Variants in POR observed in about 807,000 individuals in gnomAD.
The protein encoded by POR is cytochrome p450 oxidoreductase.
Under a neutral mutation model 84.0 loss-of-function variants are expected in POR, and 56 were observed. The observed-to-expected ratio is 0.67, with a 90% CI of 0.54 to 0.83. The LOEUF is 0.83. POR is among the 40% of genes least tolerant of loss of function. POR has a pLI of 0.00. For synonymous variants in POR, 414 were observed against 400.5 expected (o/e 1.03, Z -0.40); for missense variants, 938 against 944.3 (o/e 0.99, Z 0.09).
In POR at chr7:75,952,602, A is replaced by T. The variant is rs548137384; in HGVS notation, c.-4-1387A>T. Among the ~76,000 whole-genome samples the T allele has an allele frequency of 3.0e-3, 441 of 146,412 alleles. 5 individuals carry two copies. The highest frequency in any genetic ancestry group is 0.011 in the African/African-American group (416 of 39,054). On this transcript the variant is annotated intron_variant, in intron 1 of 15. Transcript: ENST00000461988. ...CAGGCAGAGGGTCTCCTCACTTCTC[A>T]GACGGGGCGGCCGGGCAGAGACGCT...
intron 12 of POR, 161 bp downstream of exon 12, chr7:75,985,368 G>A (rs1204607749): frequency 1.3e-5 from 15 of 1,167,488 alleles, no homozygotes; most frequent in Middle Eastern, 2.9e-4. Flanking sequence ...GGACTCAGTC[G>A]GGCTGGCTTG....
rs370427485 is a variant in POR at position 75,981,107 on chromosome 7, C to A, written c.576C>A (p.Asp192Glu). The A allele has an allele frequency of 4.5e-6, 7 of 1,568,486 alleles. No homozygotes were observed. The highest frequency in any genetic ancestry group is 6.0e-6 in the Non-Finnish European group (7 of 1,157,680). ...TCAATGCCATGGGCAAGTACGTGGA[C>A]AAGCGGCTGGAGCAGCTCGGCGCCC... The change falls in exon 6 of 16, where the codon GAC becomes GAA. Residue 192 changes from aspartate to glutamate, a missense_variant. Asp to Glu is a conservative substitution (Grantham distance 45, BLOSUM62 2). Transcript: ENST00000461988.
intron 1 of POR, among the ~76,000 whole-genome samples, chr7:75,927,502 G>A (rs1554549671): frequency 6.6e-6 from 1 of 151,876 alleles, no homozygotes; most frequent in Admixed American, 6.6e-5. Flanking sequence ...CAAAAACCAG[G>A]TCAGGAGTGG....
chr7:75,967,981 T>C (rs1018209326), intron 2 of POR: 1 of 452,038 alleles, frequency 2.2e-6, no homozygotes, highest in African/African-American at 2.0e-5. Flanking sequence ...GAACAGGGGA[T>C]GCACAGGGCC....
intron 2 of POR, among the ~76,000 whole-genome samples, chr7:75,969,542 G>A (rs1194360982): frequency 6.6e-6 from 1 of 152,216 alleles, no homozygotes. Context: ...TTACCCGCCA[G>A]GCACTCACGG....
At chr7:75,961,570 C>G (rs1407726682) in intron 2 of POR, among the ~76,000 whole-genome samples, 1 of 152,068 alleles carries the variant, frequency 6.6e-6, no homozygotes, top group Non-Finnish European at 1.5e-5. Context: ...AGAGTGGACC[C>G]CATACGCCTC....
intron 8 of POR, among the ~76,000 whole-genome samples, chr7:75,983,048 A>C (rs1319889956): frequency 6.6e-6 from 1 of 152,158 alleles, no homozygotes; most frequent in African/African-American, 2.4e-5. Flanking sequence ...CTATAGAGAG[A>C]ACTGCATTAG....
At chr7:75,921,741 C>T (rs550282690) in intron 1 of POR, among the ~76,000 whole-genome samples, 4 of 152,162 alleles carry the variant, frequency 2.6e-5, no homozygotes, top group East Asian at 2.0e-4. Flanking sequence ...CCCCTCCTTT[C>T]TCTTCGCCCA....
At chr7:75,966,278 C>G (rs1021282759) in intron 2 of POR, among the ~76,000 whole-genome samples, 3 of 152,172 alleles carry the variant, frequency 2.0e-5, no homozygotes, top group Admixed American at 6.6e-5. Context: ...CTGCCCTCCC[C>G]ACGTGTTCAT....
intron 2 of POR, among the ~76,000 whole-genome samples, chr7:75,969,000 T>C (rs1414752059): frequency 6.6e-6 from 1 of 152,224 alleles, no homozygotes; most frequent in Non-Finnish European, 1.5e-5. Flanking sequence ...TTTCTATTCC[T>C]GAGAAGACAG....
intron 1 of POR, among the ~76,000 whole-genome samples, chr7:75,950,326 A>G (rs1787358842): frequency 6.6e-6 from 1 of 152,202 alleles, no homozygotes; most frequent in Admixed American, 6.6e-5. Context: ...GAGTTATGCA[A>G]TCAGCTTGAG....
chr7:75,966,278 C>A (rs1021282759), intron 2 of POR, among the ~76,000 whole-genome samples: 1 of 152,172 alleles, frequency 6.6e-6, no homozygotes, highest in Non-Finnish European at 1.5e-5. Context: ...CTGCCCTCCC[C>A]ACGTGTTCAT....
intron 1 of POR, chr7:75,915,762 A>G (rs1253713542): frequency 1.3e-5 from 2 of 152,204 alleles, no homozygotes; most frequent in African/African-American, 4.8e-5. Flanking sequence ...GGCCCCCACA[A>G]CACAGGTACC....
intron 2 of POR, among the ~76,000 whole-genome samples, chr7:75,970,758 A>G (rs1441845486): frequency 2.6e-5 from 4 of 151,420 alleles, no homozygotes; most frequent in Non-Finnish European, 5.9e-5. Flanking sequence ...CAAAAAAAAA[A>G]AAGAAAAAGA....
Position 75,935,916 on chromosome 7 carries a change from G to T in POR, c.-4-18073G>T, listed in dbSNP as rs138029931. 2.0e-5 allele frequency among the ~76,000 whole-genome samples: 3 copies of T among 151,410 alleles called. No homozygotes were observed. In the Admixed American group the frequency reaches 2.0e-4, roughly 10 times the overall value. On this transcript the variant is annotated intron_variant, in intron 1 of 15. Transcript: ENST00000461988. The stretch of plus-strand genomic sequence containing the variant: ...TATGTTCAGACTCCTTTATTAGAAC[G>T]TCTTTGCTTGGAGGGGTTGTAAACC...
At chr7:75,942,319 A>C (rs1786958411) in intron 1 of POR, among the ~76,000 whole-genome samples, 1 of 152,238 alleles carries the variant, frequency 6.6e-6, no homozygotes, top group Non-Finnish European at 1.5e-5. Context: ...TCCCCGTGTC[A>C]GTGCTCATCT....
chr7:75,941,053 C>T (rs1403682032), intron 1 of POR, among the ~76,000 whole-genome samples: 3 of 152,150 alleles, frequency 2.0e-5, no homozygotes, highest in Non-Finnish European at 2.9e-5. Flanking sequence ...CCTATAGTCT[C>T]AGCTACTTGG....
intron 1 of POR, among the ~76,000 whole-genome samples, chr7:75,928,177 G>C (rs1193781731): frequency 6.6e-6 from 1 of 151,984 alleles, no homozygotes; most frequent in Non-Finnish European, 1.5e-5. Context: ...CACTATGTTG[G>C]CCAGGCTGGT....
chr7:75,926,689 G>A (rs1429959908), intron 1 of POR, among the ~76,000 whole-genome samples: 1 of 152,190 alleles, frequency 6.6e-6, no homozygotes, highest in Non-Finnish European at 1.5e-5. Context: ...AGCTACTTGG[G>A]AGGCTGAGGC....
Sources: allele counts gnomAD v4.1 joint callset (sites outside exome capture counted in the v4.1 genomes callset), GRCh38; gene constraint gnomAD v4.1.1; transcripts MANE v1.5; gene names NCBI Gene and HGNC (gene_info 2026-07-23, HGNC 2026-07-21).